The following DDX10 variants were observed in gnomAD, a reference collection of about 807,000 sequenced individuals.
The protein encoded by DDX10 is probable ATP-dependent RNA helicase DDX10.
A neutral mutation model predicts 104.3 loss-of-function variants in DDX10; 74 were observed. That is an observed-to-expected ratio of 0.71 (90% CI 0.59 to 0.86). The LOEUF is 0.86. Among genes scored for constraint, DDX10 ranks in the 40% least tolerant of loss-of-function variants. DDX10 has a pLI of 0.00. For missense variants in DDX10, 952 were observed against 1,040.0 expected (o/e 0.92, Z 1.16); for synonymous variants, 351 against 353.4 (o/e 0.99, Z 0.08).
chr11:108,743,213 G>C (rs1429005624), intron 13 of DDX10, among the ~76,000 whole-genome samples: 1 of 152,116 alleles, frequency 6.6e-6, no homozygotes, highest in African/African-American at 2.4e-5. Context: ...TGGGATACAA[G>C]GTTGGTTCAA....
At chr11:108,834,357 C>G (rs895305396) in intron 13 of DDX10, among the ~76,000 whole-genome samples, 4 of 152,064 alleles carry the variant, frequency 2.6e-5, no homozygotes, top group South Asian at 2.1e-4. Context: ...ACACTTTCCT[C>G]CATATACTTC....
chr11:108,926,070 C>G (rs1015874911), intron 17 of DDX10, among the ~76,000 whole-genome samples: 1 of 151,748 alleles, frequency 6.6e-6, no homozygotes, highest in Non-Finnish European at 1.5e-5. Context: ...CTGAGGAGCA[C>G]AAAATGTTCT....
chr11:108,693,172 A>G (rs538051805), intron 8 of DDX10, among the ~76,000 whole-genome samples: 1 of 152,148 alleles, frequency 6.6e-6, no homozygotes, highest in Non-Finnish European at 1.5e-5. Flanking sequence ...GCTGAGAATG[A>G]TGGTTTCCAG....
chr11:108,904,153 A>G (rs941001991), intron 16 of DDX10, among the ~76,000 whole-genome samples: 5 of 152,118 alleles, frequency 3.3e-5, no homozygotes, highest in African/African-American at 7.2e-5. Context: ...ATTTAAAACC[A>G]GTGAGTTGGA....
chr11:108,696,785 C>G (rs1190659035), intron 9 of DDX10, among the ~76,000 whole-genome samples: 1 of 151,646 alleles, frequency 6.6e-6, no homozygotes, highest in Non-Finnish European at 1.5e-5. Flanking sequence ...GTATTACATT[C>G]TTTTTAGATG....
chr11:108,767,266 G>C (rs1190174800), intron 13 of DDX10: 1 of 152,174 alleles, frequency 6.6e-6, no homozygotes, highest in South Asian at 2.1e-4. Context: ...GTATAAAAGT[G>C]CATCTGTGCT....
intron 13 of DDX10, among the ~76,000 whole-genome samples, chr11:108,837,254 G>GAT (rs1453130330): frequency 1.3e-5 from 2 of 152,192 alleles, no homozygotes; most frequent in Non-Finnish European, 2.9e-5. Context: ...GCTTATTAGT[G>GAT]ATAGAGCTTG....
chr11:108,929,125 C>G (rs916337511), intron 17 of DDX10, among the ~76,000 whole-genome samples: 1 of 152,194 alleles, frequency 6.6e-6, no homozygotes, highest in African/African-American at 2.4e-5. Flanking sequence ...TGATAAACTG[C>G]TAGTTTACCA....
chr11:108,736,299 G>C (rs896722418), intron 13 of DDX10, among the ~76,000 whole-genome samples: 3 of 151,528 alleles, frequency 2.0e-5, no homozygotes, highest in African/African-American at 7.3e-5. Context: ...ACAGTGTTGT[G>C]GTGTGTTTTT....
intron 17 of DDX10, among the ~76,000 whole-genome samples, chr11:108,936,495 G>T (rs898794660): frequency 1.1e-4 from 17 of 151,902 alleles, no homozygotes; most frequent in African/African-American, 3.6e-4. Context: ...ACAGAAAAAT[G>T]AGAAGACATA....
At chr11:108,900,142 C>T (rs73009498) in intron 16 of DDX10, among the ~76,000 whole-genome samples, 3,512 of 152,128 alleles carry the variant, frequency 0.023, 60 homozygotes, top group Middle Eastern at 0.058. Flanking sequence ...TTCTTCCGTC[C>T]TCCCCTCGCT....
At chr11:108,707,615 A>T (rs1662339641) in intron 10 of DDX10, among the ~76,000 whole-genome samples, 1 of 152,216 alleles carries the variant, frequency 6.6e-6, no homozygotes, top group African/African-American at 2.4e-5. Context: ...GCAAATAACC[A>T]CATTGCCATA....
chr11:108,890,058 C>A (rs1245137184), intron 16 of DDX10, among the ~76,000 whole-genome samples: 2 of 152,018 alleles, frequency 1.3e-5, no homozygotes, highest in African/African-American at 4.8e-5. Context: ...ACCAACAGAT[C>A]TTGGGTATTT....
chr11:108,939,709 A>G (rs560276809), intron 17 of DDX10, among the ~76,000 whole-genome samples: 2 of 152,264 alleles, frequency 1.3e-5, no homozygotes, highest in Non-Finnish European at 2.9e-5. Context: ...GGCTATCTGT[A>G]TCTTTGATAC....
intron 14 of DDX10, among the ~76,000 whole-genome samples, chr11:108,838,968 C>T (rs1411713325): frequency 3.3e-5 from 5 of 152,168 alleles, no homozygotes; most frequent in Non-Finnish European, 7.3e-5. Context: ...GCTGTACTTG[C>T]ATATATCTTG....
At chr11:108,746,772 A>T (rs1357610280) in intron 13 of DDX10, among the ~76,000 whole-genome samples, 1 of 152,030 alleles carries the variant, frequency 6.6e-6, no homozygotes, top group Non-Finnish European at 1.5e-5. Context: ...TAGTATCTTT[A>T]TGGTTCTGAT....
intron 13 of DDX10, 114 bp downstream of exon 13, chr11:108,723,576 T>C (rs2094301535): frequency 1.0e-6 from 1 of 991,452 alleles, no homozygotes; most frequent in Non-Finnish European, 1.4e-6. Context: ...TGGGTTTCTT[T>C]GCAATGAACT....
At chr11:108,867,232 T>C (rs1360899195) in intron 16 of DDX10, among the ~76,000 whole-genome samples, 1 of 152,154 alleles carries the variant, frequency 6.6e-6, no homozygotes, top group Non-Finnish European at 1.5e-5. Flanking sequence ...ATAATTATAA[T>C]AAGTAGTTTG....
At chr11:108,776,026 C>T (rs745584374) in intron 13 of DDX10, among the ~76,000 whole-genome samples, 5 of 152,122 alleles carry the variant, frequency 3.3e-5, no homozygotes, top group Non-Finnish European at 7.4e-5. Context: ...TTTGAATATA[C>T]AGCAATATGT....
Sources: gnomAD v4.1 joint callset for allele counts (sites outside exome capture counted in the v4.1 genomes callset) on GRCh38, gnomAD v4.1.1 for gene constraint, MANE v1.5 for transcripts, NCBI Gene and HGNC (gene_info 2026-07-23, HGNC 2026-07-21) for gene names.